Variants in SCN1A observed in about 807,000 individuals in gnomAD.
SCN1A encodes the protein sodium voltage-gated channel alpha subunit 1, also known as sodium channel protein type 1 subunit alpha.
In SCN1A, 13 loss-of-function variants were observed where a neutral mutation model predicts 193.7. That is an observed-to-expected ratio of 0.07 (90% CI 0.04 to 0.11). The LOEUF is 0.11. Among genes scored for constraint, SCN1A ranks in the 10% least tolerant of loss-of-function variants. The pLI is 1.00. For synonymous variants in SCN1A, 781 were observed against 843.6 expected (o/e 0.93, Z 1.29); for missense variants, 1,432 against 2,451.1 (o/e 0.58, Z 8.78).
intron 1 of SCN1A, among the ~76,000 whole-genome samples, chr2:166,140,740 C>T (rs138202494): frequency 6.6e-6 from 1 of 152,088 alleles, no homozygotes; most frequent in Non-Finnish European, 1.5e-5. Context: ...CTTCATGTTG[C>T]AAACATCGTA....
chr2:166,105,231 G>A (rs1688558713), intron 2 of SCN1A, among the ~76,000 whole-genome samples: 1 of 152,154 alleles, frequency 6.6e-6, no homozygotes, highest in Admixed American at 6.5e-5. Context: ...ATTCATAAAA[G>A]TTTAAAAACA....
At chr2:166,056,048 C>T (rs1559248756) in intron 6 of SCN1A, among the ~76,000 whole-genome samples, 1 of 152,070 alleles carries the variant, frequency 6.6e-6, no homozygotes, top group Non-Finnish European at 1.5e-5. Flanking sequence ...GTAACTAACC[C>T]TTTTTGATTC....
At chr2:166,089,286 T>C (rs1686502794) in intron 2 of SCN1A, among the ~76,000 whole-genome samples, 1 of 152,108 alleles carries the variant, frequency 6.6e-6, no homozygotes, top group Admixed American at 6.6e-5. Context: ...GAAAGTCAAA[T>C]ATAACTGGAC....
Position 166,051,784 on chromosome 2 carries a change from T to A in SCN1A, c.899A>T (p.Tyr300Phe). 1 of 1,610,242 alleles carries A rather than the reference T, an allele frequency of 6.2e-7. No individual in the cohort carries two copies. Among genetic ancestry groups the A allele is most frequent in the Non-Finnish European group, 8.5e-7 (1 of 1,177,026 alleles). ...HSIEKNITVN[Y>F]NGTLINETVF... ...AGTTTCATTTATAAGTGTACCATTATAATTCACAGTTATATTCTTTTCTAT... is the reference window on the plus strand; with the variant it reads ...AGTTTCATTTATAAGTGTACCATTAAAATTCACAGTTATATTCTTTTCTAT... The change falls in exon 9 of 29, where the codon TAT (tyrosine) becomes TTT (phenylalanine). Residue 300 changes from tyrosine to phenylalanine, a missense_variant. Coordinates refer to ENST00000674923, the MANE Select transcript of SCN1A (RefSeq NM_001165963.4).
intron 2 of SCN1A, among the ~76,000 whole-genome samples, chr2:166,113,593 T>C (rs1689536008): frequency 6.6e-6 from 1 of 152,166 alleles, no homozygotes; most frequent in Non-Finnish European, 1.5e-5. Context: ...TGCTATAATT[T>C]TAAACAGCTA....
In SCN1A at chr2:165,986,823, G is replaced by A. The variant is rs896250466; in HGVS notation, c.*4422C>T. ...TTTTTCTTTGAACTGATTCAAGAAT[G>A]AGCTGCAGACATTGTTGCATTCACC... On this transcript the variant is annotated 3_prime_UTR_variant, in exon 29 of 29. Coordinates refer to ENST00000674923, the MANE Select transcript of SCN1A (RefSeq NM_001165963.4). The A allele has an allele frequency of 3.3e-5, 5 of 151,624 alleles. No homozygotes were observed. Among genetic ancestry groups the A allele is most frequent in the African/African-American group, 1.2e-4 (5 of 41,278 alleles). The allele number at this position is 151,624 out of a possible 1,614,324, so 9.4% of individuals were successfully genotyped here.
intron 2 of SCN1A, among the ~76,000 whole-genome samples, chr2:166,082,375 G>A (rs867214350): frequency 6.6e-6 from 1 of 151,970 alleles, no homozygotes; most frequent in African/African-American, 2.4e-5. Flanking sequence ...TAATAGTTAT[G>A]AAATATTCTT....
intron 1 of SCN1A, among the ~76,000 whole-genome samples, chr2:166,135,934 A>C (rs1168907821): frequency 1.3e-5 from 2 of 152,350 alleles, no homozygotes; most frequent in African/African-American, 4.8e-5. Context: ...GGTGCTAGGC[A>C]GCGGCACTTT....
chr2:166,018,574 A>C (rs543188861), intron 19 of SCN1A, among the ~76,000 whole-genome samples: 2 of 152,118 alleles, frequency 1.3e-5, no homozygotes, highest in East Asian at 3.9e-4. Flanking sequence ...ATACATGTAG[A>C]TTTATGGTTC....
chr2:166,054,517 G>A, intron 7 of SCN1A, 121 bp downstream of exon 7: 1 of 1,034,114 alleles, frequency 9.7e-7, no homozygotes. Context: ...GAAATCCAGA[G>A]TTTGAATGTA....
intron 12 of SCN1A, among the ~76,000 whole-genome samples, 162 bp from the exon 13 acceptor site, chr2:166,045,489 CT>C (rs1697721369): frequency 2.0e-5 from 3 of 147,922 alleles, no homozygotes; most frequent in East Asian, 4.0e-4. Context: ...TTTTTTTTTT[CT>C]TTCTACCTAA....
At chr2:166,035,536 GGTTA>G (rs1430521935) in intron 19 of SCN1A, among the ~76,000 whole-genome samples, 20 of 152,148 alleles carry the variant, frequency 1.3e-4, no homozygotes, top group African/African-American at 4.8e-4. Flanking sequence ...TTTACAATGA[GGTTA>G]GTTCCTGATA....
intron 4 of SCN1A, among the ~76,000 whole-genome samples, chr2:166,064,649 T>A (rs1169314504): frequency 6.6e-6 from 1 of 152,202 alleles, no homozygotes; most frequent in African/African-American, 2.4e-5. Context: ...GCCATGGTTT[T>A]CCAGTTTCTT....
intron 19 of SCN1A, among the ~76,000 whole-genome samples, chr2:166,022,613 A>G (rs1458202215): frequency 6.6e-6 from 1 of 152,158 alleles, no homozygotes; most frequent in East Asian, 1.9e-4. Flanking sequence ...GCCCTTGTAT[A>G]ATCCCCTGCC....
At chr2:165,998,584 G>A (rs1398546652) in intron 25 of SCN1A, among the ~76,000 whole-genome samples, 1 of 151,270 alleles carries the variant, frequency 6.6e-6, no homozygotes, top group Non-Finnish European at 1.5e-5. Context: ...TAAGAAATGA[G>A]TTGTTCATTC....
At chr2:166,077,997 C>T (rs889598760) in intron 2 of SCN1A, 196 bp from the exon 3 acceptor site, 1 of 151,798 alleles carries the variant, frequency 6.6e-6, no homozygotes, top group Non-Finnish European at 1.5e-5. Flanking sequence ...AACTATATGA[C>T]ATTATGGAAA....
At chr2:166,097,007 TGTG>T (rs1347192120) in intron 2 of SCN1A, among the ~76,000 whole-genome samples, 1 of 150,766 alleles carries the variant, frequency 6.6e-6, no homozygotes, top group Non-Finnish European at 1.5e-5. Flanking sequence ...CTTCTTTGTG[TGTG>T]TTTTTTTTGT....
chr2:166,107,681 C>G (rs1248928794), intron 2 of SCN1A, among the ~76,000 whole-genome samples: 1 of 152,058 alleles, frequency 6.6e-6, no homozygotes, highest in African/African-American at 2.4e-5. Flanking sequence ...ATCAATTCAG[C>G]TTTGGGTGCT....
At chr2:166,024,395 A>G (rs1350635462) in intron 19 of SCN1A, among the ~76,000 whole-genome samples, 2 of 152,160 alleles carry the variant, frequency 1.3e-5, no homozygotes. Flanking sequence ...ATTACTCAAC[A>G]TTTATTGAAA....
Sources: allele counts gnomAD v4.1 joint callset (sites outside exome capture counted in the v4.1 genomes callset), GRCh38; gene constraint gnomAD v4.1.1; transcripts MANE v1.5; gene names NCBI Gene and HGNC (gene_info 2026-07-23, HGNC 2026-07-21).